Variants in DMRT1 observed in about 807,000 individuals in gnomAD.
DMRT1 encodes doublesex and mab-3 related transcription factor 1.
In DMRT1, 7 loss-of-function variants were observed where a neutral mutation model predicts 32.3. The observed-to-expected ratio is 0.22, with a 90% CI of 0.12 to 0.41. The LOEUF is 0.41. Ranked by LOEUF, DMRT1 falls within the 10% of genes least tolerant of loss-of-function variation. The probability of loss-of-function intolerance (pLI) is 1.00; values close to 1 mark genes in which losing one functional copy is unlikely to be tolerated. For missense variants in DMRT1, 625 were observed against 500.5 expected, an observed-to-expected ratio of 1.25 and a Z score of -2.37; for synonymous variants, 278 against 206.1, an observed-to-expected ratio of 1.35 and a Z score of -2.99.
At chr9:880,233 G>C (rs1012502387) in intron 2 of DMRT1, among the ~76,000 whole-genome samples, 1 of 152,114 alleles carries the variant, frequency 6.6e-6, no homozygotes, top group East Asian at 1.9e-4. Flanking sequence ...TTTTCCTTTG[G>C]TGTGCAGAAA....
At chr9:955,298 T>A (rs1434765726) in intron 4 of DMRT1, among the ~76,000 whole-genome samples, 1 of 152,074 alleles carries the variant, frequency 6.6e-6, no homozygotes, top group African/African-American at 2.4e-5. Context: ...TTCTGGGAGT[T>A]CGACAGTAGC....
intron 4 of DMRT1, among the ~76,000 whole-genome samples, chr9:959,336 G>C (rs1009323528): frequency 6.6e-6 from 1 of 152,182 alleles, no homozygotes; most frequent in Admixed American, 6.5e-5. Context: ...TTAAAAGCTG[G>C]GGGCCTTTGG....
chr9:898,852 A>G lies in DMRT1; in HGVS notation c.822+4657A>G, dbSNP rs1188774545. ...ACTCTCTTTTTCTTTTTAGATTGTG[A>G]TACAAATTTGGGTAGTGTGGACATT... On this transcript the variant is annotated intron_variant, in intron 3 of 4. Coordinates refer to ENST00000382276, the MANE Select transcript of DMRT1 (RefSeq NM_021951.3). Among the ~76,000 whole-genome samples, 3 of 152,264 alleles carry G rather than the reference A, an allele frequency of 2.0e-5. No homozygotes were observed. In the East Asian group the frequency reaches 5.8e-4, roughly 29 times the overall value.
chr9:945,267 CT>C (rs1402164919), intron 4 of DMRT1, among the ~76,000 whole-genome samples: 1 of 152,152 alleles, frequency 6.6e-6, no homozygotes, highest in Non-Finnish European at 1.5e-5. Flanking sequence ...GATTCTCCTG[CT>C]TCAGCCTTTT....
At chr9:898,150 C>T (rs1469404914) in intron 3 of DMRT1, among the ~76,000 whole-genome samples, 2 of 150,048 alleles carry the variant, frequency 1.3e-5, no homozygotes, top group East Asian at 4.1e-4. Flanking sequence ...GACAGGGCCT[C>T]ACTCTGTCAT....
At chr9:947,243 C>T (rs1819276033) in intron 4 of DMRT1, among the ~76,000 whole-genome samples, 1 of 152,168 alleles carries the variant, frequency 6.6e-6, no homozygotes, top group South Asian at 2.1e-4. Flanking sequence ...TTTCTTAAAA[C>T]ATTATGAGAT....
intron 2 of DMRT1, among the ~76,000 whole-genome samples, chr9:848,664 C>G (rs1839010029): frequency 6.7e-6 from 1 of 149,256 alleles, no homozygotes. Flanking sequence ...AATGATTCTC[C>G]TGTCTTAGCC....
Position 930,973 on chromosome 9 carries a change from A to C in DMRT1, c.967+14066A>C, listed in dbSNP as rs1346880118. Among the ~76,000 whole-genome samples the C allele has an allele frequency of 3.9e-5, 6 of 152,312 alleles. No individual in the cohort carries two copies. The East Asian group carries it at 1.2e-3, about 29-fold the overall frequency. Reference sequence around the variant, plus strand: ...GAACCATCACTGCTATCTAATTCCAAAACATTTCCATCATCCCCAAAACAA... The same window carrying C: ...GAACCATCACTGCTATCTAATTCCACAACATTTCCATCATCCCCAAAACAA... On this transcript the variant is annotated intron_variant, in intron 4 of 4. Coordinates refer to ENST00000382276, the MANE Select transcript of DMRT1 (RefSeq NM_021951.3).
chr9:865,071 C>T (rs1323594828), intron 2 of DMRT1, among the ~76,000 whole-genome samples: 3 of 152,164 alleles, frequency 2.0e-5, no homozygotes, highest in Non-Finnish European at 4.4e-5. Context: ...CTTCAGCTAT[C>T]TCAGAGTCAT....
At chr9:862,520 G>A (rs1815763698) in intron 2 of DMRT1, among the ~76,000 whole-genome samples, 1 of 151,282 alleles carries the variant, frequency 6.6e-6, no homozygotes, top group African/African-American at 2.4e-5. Flanking sequence ...ATGGGGAGGG[G>A]GAGGGGGAGG....
chr9:933,935 G>A (rs1462713184), intron 4 of DMRT1, among the ~76,000 whole-genome samples: 4 of 152,140 alleles, frequency 2.6e-5, no homozygotes, highest in Non-Finnish European at 4.4e-5. Flanking sequence ...CTATCCTGTC[G>A]GGTTGAGGAG....
At chr9:928,075 C>T (rs1417578968) in intron 4 of DMRT1, among the ~76,000 whole-genome samples, 2 of 152,134 alleles carry the variant, frequency 1.3e-5, no homozygotes, top group South Asian at 2.1e-4. Context: ...CTAGTGCTGC[C>T]TAGTGTTATC....
intron 2 of DMRT1, among the ~76,000 whole-genome samples, chr9:859,494 C>T (rs907390725): frequency 2.0e-5 from 3 of 152,112 alleles, no homozygotes; most frequent in African/African-American, 4.8e-5. Flanking sequence ...GTCCCTTTTG[C>T]GGTTGTCAAA....
intron 4 of DMRT1, among the ~76,000 whole-genome samples, chr9:945,015 A>G (rs1008448406): frequency 2.6e-5 from 4 of 152,168 alleles, no homozygotes; most frequent in Admixed American, 1.3e-4. Context: ...ATAAAAACAC[A>G]TTGACAATAA....
intron 2 of DMRT1, among the ~76,000 whole-genome samples, chr9:872,210 C>T (rs929822294): frequency 2.0e-5 from 3 of 148,310 alleles, no homozygotes; most frequent in East Asian, 1.9e-4. Flanking sequence ...TACAGGCGCC[C>T]GCCACCATGC....
chr9:923,124 C>T (rs78102811), intron 4 of DMRT1, among the ~76,000 whole-genome samples: 2,576 of 152,250 alleles, frequency 0.017, 71 homozygotes, highest in African/African-American at 0.058. Flanking sequence ...TAGCTTGCAC[C>T]TCAGGGAGTG....
intron 4 of DMRT1, among the ~76,000 whole-genome samples, chr9:924,799 G>A (rs1415155327): frequency 1.3e-5 from 2 of 152,212 alleles, no homozygotes; most frequent in African/African-American, 2.4e-5. Flanking sequence ...GGAATGTGAA[G>A]AACACCAGCA....
intron 2 of DMRT1, among the ~76,000 whole-genome samples, chr9:883,666 C>T (rs1440745552): frequency 2.0e-5 from 3 of 151,452 alleles, no homozygotes; most frequent in South Asian, 4.2e-4. Context: ...GTGGCGTGCC[C>T]CTGTAGTCCC....
rs1819904818 is a variant in DMRT1 at position 965,495 on chromosome 9, C to T, written c.968-2490C>T. Among the ~76,000 whole-genome samples, 2 of 152,292 alleles carry T rather than the reference C, an allele frequency of 1.3e-5. No homozygotes were observed. Among genetic ancestry groups the T allele is most frequent in the South Asian group, 4.1e-4 (2 of 4,822 alleles). On this transcript the variant is annotated intron_variant, in intron 4 of 4. Coordinates refer to ENST00000382276, the MANE Select transcript of DMRT1 (RefSeq NM_021951.3). This position sits in a 1 kb window ranked among gnomAD's most constrained non-coding sequence, Gnocchi z 4.5. ...ACTTTCCAAGAAAATATTCATAAGG[C>T]AAGTTAGAGCAAAAGGGGGATATTG...
Sources: allele counts gnomAD v4.1 joint callset (sites outside exome capture counted in the v4.1 genomes callset), GRCh38; gene constraint gnomAD v4.1.1; non-coding constraint Gnocchi (gnomAD v3.1); transcripts MANE v1.5; gene names NCBI Gene and HGNC (gene_info 2026-07-23, HGNC 2026-07-21).